The following ADCY9 variants were observed in gnomAD, a reference collection of about 807,000 sequenced individuals.
ADCY9 encodes the protein adenylate cyclase type 9.
Under a neutral mutation model 101.5 loss-of-function variants are expected in ADCY9, and 50 were observed. The ratio of observed to expected loss-of-function variants is 0.49; its 90% CI spans 0.39 to 0.62. ADCY9 has a LOEUF of 0.62. Among genes scored for constraint, ADCY9 ranks in the 20% least tolerant of loss-of-function variants. The pLI, the probability that ADCY9 is intolerant of heterozygous loss-of-function variation, is 0.00. For synonymous variants in ADCY9, 905 were observed against 769.3 expected (o/e 1.18, Z -2.92); for missense variants, 1,662 against 1,800.4 (o/e 0.92, Z 1.39).
At position 3,992,591 on chromosome 16, in the gene ADCY9, G is replaced by A. The variant is rs2056254086; in HGVS notation, c.1990-228C>T. On this transcript the variant is annotated intron_variant, in intron 4 of 10. Transcript: ENST00000294016. This position sits in a 1 kb window ranked among gnomAD's most constrained non-coding sequence, Gnocchi z 4.2. Reference sequence around the variant, plus strand: ...TTACCCAACAGTGCCCAGTGGTAACGCTGGGTGTTCAGGCTGCCAGGACAT... The same window carrying A: ...TTACCCAACAGTGCCCAGTGGTAACACTGGGTGTTCAGGCTGCCAGGACAT... Among the ~76,000 whole-genome samples the A allele has an allele frequency of 1.3e-5, 2 of 152,150 alleles. No homozygotes were observed. Among genetic ancestry groups the A allele is most frequent in the Admixed American group, 1.3e-4 (2 of 15,270 alleles).
Position 3,989,069 on chromosome 16 carries a change from C to T in ADCY9, c.2235G>A (p.Pro745=), listed in dbSNP as rs754934016. ...DSLMKDYFFK[P]PINQFSLNFL... is the part of the protein sequence containing the mutation. Reference sequence around the variant, plus strand: ...AGTTCAGGCTGAACTGATTAATGGGCGGCTTAAAAAAGTAATCTTTCATCA... The same window carrying T: ...AGTTCAGGCTGAACTGATTAATGGGTGGCTTAAAAAAGTAATCTTTCATCA... The change falls in exon 6 of 11, where the codon CCG becomes CCA. Residue 745 remains proline, a synonymous_variant. Coordinates refer to ENST00000294016, the MANE Select transcript of ADCY9 (RefSeq NM_001116.4). 2.1e-5 allele frequency: 34 copies of T among 1,613,844 alleles called. No homozygotes were observed. Among genetic ancestry groups the T allele is most frequent in the Middle Eastern group, 3.3e-4 (2 of 6,084 alleles).
At chr16:3,960,384 G>A (rs79176379), downstream of ADCY9, among the ~76,000 whole-genome samples, 705 of 152,088 alleles carry the variant, frequency 4.6e-3, 8 homozygotes, top group African/African-American at 0.016. Flanking sequence ...GCCAGGCATG[G>A]TGGCACGAGC....
rs146096041 is a variant in ADCY9, at chr16:4,048,580, C to T, written c.1694-41022G>A. On this transcript the variant is annotated intron_variant, in intron 2 of 10. Coordinates refer to ENST00000294016, the MANE Select transcript of ADCY9 (RefSeq NM_001116.4). ...AGGGACACGGGTGAGATGAAACGGACGTCAGTACCCCTGCAAGAATCACAC... is the reference window on the plus strand; with the variant it reads ...AGGGACACGGGTGAGATGAAACGGATGTCAGTACCCCTGCAAGAATCACAC... 1.1e-4 allele frequency among the ~76,000 whole-genome samples: 16 copies of T among 152,266 alleles called. No homozygotes were observed. In the East Asian group the frequency reaches 1.9e-3, roughly 18 times the overall value.
intron 2 of ADCY9, among the ~76,000 whole-genome samples, chr16:4,091,973 T>C (rs2056976406): frequency 6.6e-6 from 1 of 152,162 alleles, no homozygotes; most frequent in African/African-American, 2.4e-5. Context: ...TTAGCTTCAA[T>C]TAAAAATAAA....
intron 2 of ADCY9, among the ~76,000 whole-genome samples, chr16:4,059,379 GA>G (rs1555441793): frequency 1.3e-3 from 157 of 118,454 alleles, no homozygotes; most frequent in East Asian, 6.4e-3. Context: ...AGAATCCATC[GA>G]AAAAAAAAAA....
At chr16:4,113,198 A>G (rs1047423871) in intron 2 of ADCY9, among the ~76,000 whole-genome samples, 2 of 152,120 alleles carry the variant, frequency 1.3e-5, no homozygotes, top group African/African-American at 2.4e-5. Context: ...CCTAGATAAA[A>G]GACAGTGTGT....
chr16:3,998,394 G>C (rs1028106591), intron 3 of ADCY9, among the ~76,000 whole-genome samples: 8 of 151,962 alleles, frequency 5.3e-5, no homozygotes, highest in African/African-American at 1.2e-4. Flanking sequence ...CTGGGTCATA[G>C]AGCAAGACCT....
At chr16:3,975,166 G>A (rs187751976) in intron 9 of ADCY9, among the ~76,000 whole-genome samples, 115 of 152,274 alleles carry the variant, frequency 7.6e-4, no homozygotes, top group Non-Finnish European at 1.5e-3. Flanking sequence ...TGCCCGATGA[G>A]GGACCTGTGA....
At chr16:4,074,673 T>C (rs1258096894) in intron 2 of ADCY9, among the ~76,000 whole-genome samples, 1 of 140,236 alleles carries the variant, frequency 7.1e-6, no homozygotes, top group Non-Finnish European at 1.5e-5. Context: ...GCTACGATCA[T>C]GCCATTGTAC....
chr16:4,025,468 G>A (rs2056508525), intron 2 of ADCY9, among the ~76,000 whole-genome samples: 1 of 152,078 alleles, frequency 6.6e-6, no homozygotes, highest in South Asian at 2.1e-4. Context: ...CACTGGCCAC[G>A]CAAAGACTGT....
chr16:4,044,954 G>C (rs917459650), intron 2 of ADCY9, among the ~76,000 whole-genome samples: 5 of 152,100 alleles, frequency 3.3e-5, no homozygotes, highest in East Asian at 3.9e-4. Context: ...AACTCTTTAC[G>C]AGATGAGGCT....
chr16:4,040,408 T>C lies in ADCY9; in HGVS notation c.1694-32850A>G, dbSNP rs181023540. On this transcript the variant is annotated intron_variant, in intron 2 of 10. Coordinates refer to ENST00000294016, the MANE Select transcript of ADCY9 (RefSeq NM_001116.4). Reference sequence around the variant, plus strand: ...AGCACTATCATATTTCCTGGTTTCCTCTTCTTCTTTACTTAACAAAGAACT... The same window carrying C: ...AGCACTATCATATTTCCTGGTTTCCCCTTCTTCTTTACTTAACAAAGAACT... 9.3e-4 allele frequency among the ~76,000 whole-genome samples: 141 copies of C among 152,214 alleles called. 2 individuals are homozygous for C. The South Asian group carries it at 0.017, about 18-fold the overall frequency.
At chr16:4,090,087 C>CA (rs2056963981) in intron 2 of ADCY9, among the ~76,000 whole-genome samples, 1 of 152,104 alleles carries the variant, frequency 6.6e-6, no homozygotes, top group Non-Finnish European at 1.5e-5. Context: ...GCTCCCCCAA[C>CA]AAGGGCACTT....
chr16:4,106,863 C>G (rs2057080778), intron 2 of ADCY9, among the ~76,000 whole-genome samples: 1 of 152,212 alleles, frequency 6.6e-6, no homozygotes, highest in Non-Finnish European at 1.5e-5. Flanking sequence ...TCTCACCAAG[C>G]TGGCCAGAAG....
chr16:4,108,294 C>G (rs1281673310), intron 2 of ADCY9, among the ~76,000 whole-genome samples: 1 of 151,648 alleles, frequency 6.6e-6, no homozygotes, highest in Non-Finnish European at 1.5e-5. Flanking sequence ...CCACGGTTCC[C>G]TCAGGCCTAG....
chr16:3,953,910 T>C (rs1421885143), intron 5 of ADCY9, among the ~76,000 whole-genome samples: 1 of 152,184 alleles, frequency 6.6e-6, no homozygotes, highest in Non-Finnish European at 1.5e-5. Context: ...CTCTTACGCC[T>C]CCCAGAATGG....
intron 6 of ADCY9, among the ~76,000 whole-genome samples, chr16:3,987,472 C>T (rs138768751): frequency 1.1e-3 from 164 of 152,356 alleles, no homozygotes; most frequent in African/African-American, 3.9e-3. Flanking sequence ...CCTGTTCAGC[C>T]TTGCTCAGCG....
At chr16:4,047,167 A>G (rs1262691373) in intron 2 of ADCY9, among the ~76,000 whole-genome samples, 2 of 152,228 alleles carry the variant, frequency 1.3e-5, no homozygotes, top group Non-Finnish European at 2.9e-5. Context: ...ACTACAAAGT[A>G]TCTTTTTTAA....
At position 3,983,633 on chromosome 16, in the gene ADCY9, A is replaced by C. The variant is rs915733053; in HGVS notation, c.2311-193T>G. 5.5e-5 allele frequency: 32 copies of C among 582,470 alleles called. No homozygotes were observed. The Admixed American group carries it at 9.9e-4, about 18-fold the overall frequency. The allele number at this position is 582,470 out of a possible 1,614,324, so 36.1% of individuals were successfully genotyped here. ...GGGGAGTCCAAGGCACAGAGAAGTT[A>C]AACTTGCCCAGGGGGCTGGGCACGG... is the stretch of plus-strand genomic sequence containing the variant. On this transcript the variant is annotated intron_variant, in intron 6 of 10. Coordinates refer to ENST00000294016, the MANE Select transcript of ADCY9 (RefSeq NM_001116.4).
Sources: gnomAD v4.1 joint callset for allele counts (sites outside exome capture counted in the v4.1 genomes callset) on GRCh38, gnomAD v4.1.1 for gene constraint, Gnocchi (gnomAD v3.1) non-coding constraint, MANE v1.5 for transcripts, NCBI Gene and HGNC (gene_info 2026-07-23, HGNC 2026-07-21) for gene names.